MLIP: variants seen among roughly 807,000 people sequenced by gnomAD.
MLIP encodes muscular LMNA-interacting protein.
MLIP carries 79 observed loss-of-function variants against 84.8 expected under a neutral mutation model. That is an observed-to-expected ratio of 0.93 (90% CI 0.78 to 1.12). The LOEUF is 1.12. MLIP is among the 50% of genes most tolerant of loss of function. MLIP has a pLI of 0.00. For missense variants in MLIP, 1,257 were observed against 1,160.6 expected, an observed-to-expected ratio of 1.08 and a Z score of -1.21; for synonymous variants, 504 against 463.0, an observed-to-expected ratio of 1.09 and a Z score of -1.14.
intron 11 of MLIP, chr6:54,217,994 T>G: frequency 1.0e-6 from 1 of 985,444 alleles, no homozygotes; most frequent in Non-Finnish European, 1.2e-6. Flanking sequence ...TAGTGTGTTT[T>G]GAAGCAAATC....
intron 1 of MLIP, among the ~76,000 whole-genome samples, chr6:54,112,241 T>C (rs1040593396): frequency 6.6e-6 from 1 of 152,206 alleles, no homozygotes; most frequent in Admixed American, 6.5e-5. Flanking sequence ...TTAGGCTACA[T>C]TGGAACTTAG....
chr6:54,153,851 C>CAAAAA (rs3996974), intron 5 of MLIP, among the ~76,000 whole-genome samples: 9 of 117,794 alleles, frequency 7.6e-5, no homozygotes, highest in African/African-American at 1.7e-4. Flanking sequence ...GACTCAGTCT[C>CAAAAA]AAAAAAAAAA....
chr6:54,075,806 C>T (rs887237526), intron 1 of MLIP, among the ~76,000 whole-genome samples: 1 of 152,142 alleles, frequency 6.6e-6, no homozygotes, highest in Non-Finnish European at 1.5e-5. Context: ...ATTAGGTTCC[C>T]AGCACCAAAG....
At chr6:54,212,717 T>C (rs1779549028) in intron 11 of MLIP, among the ~76,000 whole-genome samples, 1 of 152,178 alleles carries the variant, frequency 6.6e-6, no homozygotes, top group African/African-American at 2.4e-5. Flanking sequence ...TTATGTCCCT[T>C]TGAATGACTA....
chr6:54,165,492 G>C (rs1040965842), intron 8 of MLIP, among the ~76,000 whole-genome samples: 1 of 151,938 alleles, frequency 6.6e-6, no homozygotes, highest in Admixed American at 6.6e-5. Context: ...TAGCCCCTCA[G>C]TTCACCCCAT....
At chr6:54,172,000 C>T (rs1775818216) in intron 9 of MLIP, among the ~76,000 whole-genome samples, 1 of 151,422 alleles carries the variant, frequency 6.6e-6, no homozygotes, top group Admixed American at 6.6e-5. Context: ...TTAGATTAAA[C>T]TCAAAAGCAG....
At chr6:54,037,359 C>T (rs1764503139) in intron 1 of MLIP, among the ~76,000 whole-genome samples, 1 of 151,788 alleles carries the variant, frequency 6.6e-6, no homozygotes, top group African/African-American at 2.4e-5. Flanking sequence ...TCAAATAAGT[C>T]CATATATGGG....
rs562879451 is a variant in MLIP at position 54,037,749 on chromosome 6, C to T, written c.63+18658C>T. 1.1e-4 allele frequency among the ~76,000 whole-genome samples: 17 copies of T among 152,012 alleles called. 1 individual carries two copies. The South Asian group carries it at 3.3e-3, about 30-fold the overall frequency. On this transcript the variant is annotated intron_variant, in intron 1 of 12. Transcript: ENST00000274897. ...TAGAAAAGAGATACATGAGTCCTCA[C>T]AGGAGAGGATAGTGAGTAATGGTAA... is the stretch of plus-strand genomic sequence containing the variant.
chr6:54,163,262 A>G (rs1271068338), intron 8 of MLIP, among the ~76,000 whole-genome samples: 3 of 151,446 alleles, frequency 2.0e-5, no homozygotes, highest in African/African-American at 7.3e-5. Flanking sequence ...CCTTTTTTTC[A>G]TACCCTTTTG....
In MLIP at chr6:54,097,452, G is replaced by A. The variant is rs9474735; in HGVS notation, c.64-23995G>A. On this transcript the variant is annotated intron_variant, in intron 1 of 12. Coordinates refer to the MLIP transcript ENST00000274897. ...AAAGGAGGCTGAAGAGTATCCCTTC[G>A]ACTAGGCAACAACATACACAGCTTA... Among the ~76,000 whole-genome samples, 302 of 152,210 alleles carry A rather than the reference G, an allele frequency of 2.0e-3. 2 individuals carry two copies. The highest frequency in any genetic ancestry group is 7.7e-3 in the East Asian group (40 of 5,178).
intron 12 of MLIP, among the ~76,000 whole-genome samples, chr6:54,251,572 A>G: frequency 9.8e-6 from 1 of 102,338 alleles, no homozygotes; most frequent in Admixed American, 1.2e-4. Flanking sequence ...AATATATATT[A>G]TAGCATATAA....
intron 9 of MLIP, among the ~76,000 whole-genome samples, chr6:54,171,718 T>A (rs1012635992): frequency 1.1e-4 from 17 of 151,682 alleles, no homozygotes; most frequent in African/African-American, 3.9e-4. Flanking sequence ...AGAATGATAC[T>A]GTAATATTTT....
At chr6:54,184,157 T>C (rs1020836573) in intron 9 of MLIP, among the ~76,000 whole-genome samples, 1 of 152,118 alleles carries the variant, frequency 6.6e-6, no homozygotes, top group Non-Finnish European at 1.5e-5. Context: ...ATAATTCAAT[T>C]AGCACATTAT....
At chr6:54,047,933 AC>A (rs1399739291) in intron 1 of MLIP, among the ~76,000 whole-genome samples, 1 of 152,184 alleles carries the variant, frequency 6.6e-6, no homozygotes, top group African/African-American at 2.4e-5. Context: ...CAAACTCAGG[AC>A]TGTGCTCTTA....
intron 2 of MLIP, among the ~76,000 whole-genome samples, chr6:54,122,989 T>C (rs1298971594): frequency 6.6e-6 from 1 of 151,990 alleles, no homozygotes; most frequent in African/African-American, 2.4e-5. Flanking sequence ...TAGAGTGCAG[T>C]GGCGCGATCT....
At chr6:54,216,786 C>CA in intron 11 of MLIP, 1 of 985,066 alleles carries the variant, frequency 1.0e-6, no homozygotes, top group Non-Finnish European at 1.2e-6. Context: ...GAAGATATGC[C>CA]ATATAATCGA....
chr6:54,222,781 TG>T (rs1233807632), intron 11 of MLIP, among the ~76,000 whole-genome samples: 1 of 152,040 alleles, frequency 6.6e-6, no homozygotes, highest in Non-Finnish European at 1.5e-5. Context: ...TTTTAAATTT[TG>T]GGGGGAAACT....
intron 9 of MLIP, among the ~76,000 whole-genome samples, chr6:54,185,484 T>C (rs1777299330): frequency 6.6e-6 from 1 of 152,334 alleles, no homozygotes; most frequent in African/African-American, 2.4e-5. Context: ...TTTATAGAGA[T>C]TGGATAAAAA....
chr6:54,247,012 C>T (rs1403146323), intron 12 of MLIP, among the ~76,000 whole-genome samples: 1 of 152,110 alleles, frequency 6.6e-6, no homozygotes, highest in African/African-American at 2.4e-5. Context: ...CTGTAGCATC[C>T]TCCTGTATGT....
Sources: allele counts gnomAD v4.1 joint callset (sites outside exome capture counted in the v4.1 genomes callset), GRCh38; gene constraint gnomAD v4.1.1; transcripts MANE v1.5; gene names NCBI Gene and HGNC (gene_info 2026-07-23, HGNC 2026-07-21).